The following FHOD3 variants were observed in gnomAD, a reference collection of about 807,000 sequenced individuals.
FHOD3 encodes formin homology 2 domain containing 3.
FHOD3 carries 90 observed loss-of-function variants against 173.0 expected under a neutral mutation model. The ratio of observed to expected loss-of-function variants is 0.52; its 90% CI spans 0.44 to 0.62. The LOEUF (loss-of-function observed/expected upper bound fraction) is 0.62. FHOD3 is among the 20% of genes least tolerant of loss of function. The pLI, the probability that FHOD3 is intolerant of heterozygous loss-of-function variation, is 0.00. For missense variants in FHOD3, 1,945 were observed against 2,034.7 expected (o/e 0.96, Z 0.85); for synonymous variants, 828 against 823.0 (o/e 1.01, Z -0.10).
chr18:36,593,261 G>A (rs1002000079), intron 6 of FHOD3, among the ~76,000 whole-genome samples: 2 of 152,288 alleles, frequency 1.3e-5, no homozygotes, highest in Middle Eastern at 3.4e-3. Context: ...CTATCATATT[G>A]GGGTGATGAG....
chr18:36,593,390 G>A (rs1272010467), intron 6 of FHOD3, among the ~76,000 whole-genome samples: 2 of 152,204 alleles, frequency 1.3e-5, no homozygotes, highest in African/African-American at 4.8e-5. Context: ...TTGAGGAAAA[G>A]ACAAATGGTG....
chr18:36,325,806 G>C (rs2044640772), intron 1 of FHOD3, among the ~76,000 whole-genome samples: 1 of 152,232 alleles, frequency 6.6e-6, no homozygotes, highest in South Asian at 2.1e-4. Context: ...TTAAAGGACA[G>C]ATGTAAATTA....
chr18:36,318,661 G>GTCA (rs763496900), intron 1 of FHOD3, among the ~76,000 whole-genome samples: 8 of 152,160 alleles, frequency 5.3e-5, no homozygotes, highest in Admixed American at 1.3e-4. Context: ...ATACAATCAT[G>GTCA]TCATCTGCAG....
At chr18:36,446,751 G>C (rs1221182629) in intron 3 of FHOD3, among the ~76,000 whole-genome samples, 1 of 152,086 alleles carries the variant, frequency 6.6e-6, no homozygotes, top group Non-Finnish European at 1.5e-5. Context: ...AGTGCTCCCT[G>C]AGCCCTTAGT....
chr18:36,728,734 C>T (rs548860005), intron 19 of FHOD3, among the ~76,000 whole-genome samples: 9 of 152,326 alleles, frequency 5.9e-5, no homozygotes, highest in East Asian at 1.9e-4. Context: ...CGATGCCTCA[C>T]GGTCCCTGGG....
chr18:36,704,880 C>T (rs1470308218), intron 17 of FHOD3, among the ~76,000 whole-genome samples: 3 of 152,202 alleles, frequency 2.0e-5, no homozygotes, highest in Admixed American at 6.5e-5. Context: ...GGAAAAACCT[C>T]CTGCTGTTCA....
intron 3 of FHOD3, among the ~76,000 whole-genome samples, chr18:36,378,376 C>G (rs1407133931): frequency 6.6e-6 from 1 of 152,124 alleles, no homozygotes; most frequent in Non-Finnish European, 1.5e-5. Context: ...AAGAACCTCA[C>G]ATCATCTGTT....
chr18:36,475,296 C>A (rs1450941599), intron 3 of FHOD3, among the ~76,000 whole-genome samples: 2 of 152,090 alleles, frequency 1.3e-5, no homozygotes, highest in African/African-American at 4.8e-5. Context: ...ACTCTAATGG[C>A]TAACCTACAT....
At position 36,486,196 on chromosome 18, in the gene FHOD3, C is replaced by T. The variant is rs76217591; in HGVS notation, c.338-15736C>T. On this transcript the variant is annotated intron_variant, in intron 3 of 28. Transcript: ENST00000590592. ...CTGGCTCTCTCCTGGATGGTTCTGTCTACATCCACCACTTTGGCCCCAACT... is the reference window on the plus strand; with the variant it reads ...CTGGCTCTCTCCTGGATGGTTCTGTTTACATCCACCACTTTGGCCCCAACT... Among the ~76,000 whole-genome samples the T allele has an allele frequency of 7.4e-3, 1,123 of 152,324 alleles. 7 individuals are homozygous for T. The highest frequency in any genetic ancestry group is 0.017 in the Admixed American group (253 of 15,302).
intron 5 of FHOD3, among the ~76,000 whole-genome samples, chr18:36,527,033 C>G (rs141982675): frequency 2.6e-5 from 4 of 152,268 alleles, no homozygotes; most frequent in Admixed American, 6.5e-5. Flanking sequence ...AGTCAGTTTT[C>G]CCACCTTCTT....
chr18:36,467,722 A>C (rs917416444), intron 3 of FHOD3, among the ~76,000 whole-genome samples: 1 of 152,218 alleles, frequency 6.6e-6, no homozygotes, highest in Non-Finnish European at 1.5e-5. Context: ...AGTGCTTGGC[A>C]CACACACGGC....
At chr18:36,776,639 T>A (rs1335956302) in intron 28 of FHOD3, among the ~76,000 whole-genome samples, 1 of 152,140 alleles carries the variant, frequency 6.6e-6, no homozygotes, top group East Asian at 1.9e-4. Flanking sequence ...GGGGAAGACT[T>A]TTCCATGAAT....
At chr18:36,758,145 G>A (rs918917025) in intron 25 of FHOD3, among the ~76,000 whole-genome samples, 2 of 152,240 alleles carry the variant, frequency 1.3e-5, no homozygotes, top group African/African-American at 2.4e-5. Context: ...TTAAAAGAGA[G>A]TAATGGAACA....
intron 24 of FHOD3, among the ~76,000 whole-genome samples, chr18:36,747,947 C>T (rs553764785): frequency 2.0e-5 from 3 of 152,146 alleles, no homozygotes; most frequent in African/African-American, 4.8e-5. Flanking sequence ...CTCCTTCTTT[C>T]ACCTTCCTTA....
chr18:36,648,573 T>C (rs1156232419), intron 10 of FHOD3, among the ~76,000 whole-genome samples: 6 of 152,118 alleles, frequency 3.9e-5, no homozygotes, highest in Non-Finnish European at 8.8e-5. Flanking sequence ...ATTAAAATGG[T>C]CGGGGGGACT....
chr18:36,618,310 G>GTTT lies in FHOD3; in HGVS notation c.957+6215_957+6216insTTT, dbSNP rs1465774220. On this transcript the variant is annotated intron_variant, in intron 9 of 28. Transcript: ENST00000590592. Reference sequence around the variant, plus strand: ...CCATTTGGTAATGATGTTTTTTGGTGGTTTTTTTTTTTTTTTTTTTTTTGA... The same window carrying GTTT: ...CCATTTGGTAATGATGTTTTTTGGTGTTTGTTTTTTTTTTTTTTTTTTTTTTGA... Among the ~76,000 whole-genome samples, 505 of 85,084 alleles carry GTTT rather than the reference G, an allele frequency of 5.9e-3. 12 individuals are homozygous for GTTT. Among genetic ancestry groups the GTTT allele is most frequent in the African/African-American group, 8.5e-3 (209 of 24,634 alleles). The allele number at this position is 85,084 out of a possible 152,430, so 55.8% of individuals were successfully genotyped here. A position where few individuals can be genotyped will look rare whatever the true frequency, so the allele number is the denominator to read the frequency against.
Position 36,717,774 on chromosome 18 carries a change from C to T in FHOD3, c.2534-58C>T. On this transcript the variant is annotated intron_variant, in intron 18 of 28. Transcript: ENST00000590592. ...AGGCTCACTTATTCTCATCGATTCT[C>T]TCATGGAAGTGAGGCCCCCTTGCCC... 1.1e-5 allele frequency: 17 copies of T among 1,515,390 alleles called. 1 individual carries two copies. The South Asian group carries it at 1.8e-4, about 16-fold the overall frequency. The allele number at this position is 1,515,390 out of a possible 1,614,324, so 93.9% of individuals were successfully genotyped here.
chr18:36,512,055 T>G (rs960682063), intron 4 of FHOD3, among the ~76,000 whole-genome samples: 12 of 152,252 alleles, frequency 7.9e-5, no homozygotes, highest in African/African-American at 2.2e-4. Context: ...TAGTCTTTGC[T>G]GCAATCAAAT....
At chr18:36,375,982 A>G (rs1431699131) in intron 3 of FHOD3, among the ~76,000 whole-genome samples, 4 of 152,232 alleles carry the variant, frequency 2.6e-5, no homozygotes, top group Non-Finnish European at 5.9e-5. Context: ...TGATGGTCAT[A>G]TCGTGGGCAT....
Sources: allele counts gnomAD v4.1 joint callset (sites outside exome capture counted in the v4.1 genomes callset), GRCh38; gene constraint gnomAD v4.1.1; transcripts MANE v1.5; gene names NCBI Gene and HGNC (gene_info 2026-07-23, HGNC 2026-07-21).